The following PID1 variants were observed in gnomAD, a reference collection of about 807,000 sequenced individuals.
The protein encoded by PID1 is PTB-containing, cubilin and LRP1-interacting protein.
Under a neutral mutation model 19.1 loss-of-function variants are expected in PID1, and 10 were observed. That is an observed-to-expected ratio of 0.52 (90% CI 0.32 to 0.89). The LOEUF (loss-of-function observed/expected upper bound fraction) is 0.89, where lower values mean the gene tolerates loss of function less well. PID1 is among the 40% of genes least tolerant of loss of function. The pLI, the probability that PID1 is intolerant of heterozygous loss-of-function variation, is 0.03. For missense variants in PID1, 248 were observed against 285.3 expected (o/e 0.87, Z 0.94); for synonymous variants, 130 against 116.0 (o/e 1.12, Z -0.78).
At chr2:229,183,163 G>T (rs1263069241) in intron 1 of PID1, among the ~76,000 whole-genome samples, 2 of 152,150 alleles carry the variant, frequency 1.3e-5, no homozygotes, top group South Asian at 4.1e-4. Context: ...ACACAGAGAC[G>T]CATGGGAGTA....
chr2:229,079,253 G>A (rs903331465), intron 2 of PID1, among the ~76,000 whole-genome samples: 14 of 151,998 alleles, frequency 9.2e-5, no homozygotes, highest in African/African-American at 3.4e-4. Context: ...AGCCTCTTTG[G>A]GACCTCCTTT....
chr2:229,185,356 C>G (rs1315400377), intron 1 of PID1, among the ~76,000 whole-genome samples: 1 of 152,056 alleles, frequency 6.6e-6, no homozygotes, highest in Admixed American at 6.5e-5. Flanking sequence ...CCAATTGGTC[C>G]ATGTGCACAC....
At chr2:229,213,971 A>G (rs1296606791) in intron 1 of PID1, among the ~76,000 whole-genome samples, 1 of 152,176 alleles carries the variant, frequency 6.6e-6, no homozygotes, top group Non-Finnish European at 1.5e-5. Flanking sequence ...CATGAAGAAG[A>G]CCTTCCCTGT....
intron 2 of PID1, among the ~76,000 whole-genome samples, chr2:229,065,267 G>A (rs1694300001): frequency 6.6e-6 from 1 of 152,088 alleles, no homozygotes; most frequent in Non-Finnish European, 1.5e-5. Context: ...GAGAAATACT[G>A]TTAAGTTCTA....
intron 1 of PID1, among the ~76,000 whole-genome samples, chr2:229,200,936 C>T (rs1307885784): frequency 6.6e-6 from 1 of 151,928 alleles, no homozygotes; most frequent in African/African-American, 2.4e-5. Flanking sequence ...AGAATGGACA[C>T]CAACGCATTA....
chr2:229,248,274 T>C (rs1434838990), intron 1 of PID1, among the ~76,000 whole-genome samples: 1 of 152,160 alleles, frequency 6.6e-6, no homozygotes, highest in African/African-American at 2.4e-5. Flanking sequence ...TTCTCTTTCA[T>C]GGTACTGATA....
chr2:229,134,609 T>C (rs1559248981), intron 2 of PID1, among the ~76,000 whole-genome samples: 1 of 152,036 alleles, frequency 6.6e-6, no homozygotes, highest in African/African-American at 2.4e-5. Flanking sequence ...CTAAAAAAAG[T>C]ACAAAGAAAA....
intron 2 of PID1, among the ~76,000 whole-genome samples, chr2:229,029,346 C>G (rs1273619279): frequency 4.7e-5 from 7 of 147,764 alleles, no homozygotes; most frequent in Non-Finnish European, 1.0e-4. Context: ...TGAAAACATG[C>G]TACCATCCTT....
chr2:229,070,304 T>C (rs1464385969), intron 2 of PID1, among the ~76,000 whole-genome samples: 1 of 152,242 alleles, frequency 6.6e-6, no homozygotes, highest in African/African-American at 2.4e-5. Flanking sequence ...TTATGTGACA[T>C]TAAGACTGCT....
At chr2:229,196,198 TAGTG>T (rs1178480647) in intron 1 of PID1, among the ~76,000 whole-genome samples, 1 of 151,958 alleles carries the variant, frequency 6.6e-6, no homozygotes, top group Non-Finnish European at 1.5e-5. Flanking sequence ...GACTGTAAAA[TAGTG>T]AGGGAGAAGG....
chr2:229,183,826 A>C (rs1690998611), intron 1 of PID1, among the ~76,000 whole-genome samples: 1 of 150,968 alleles, frequency 6.6e-6, no homozygotes, highest in Non-Finnish European at 1.5e-5. Flanking sequence ...CTGCAAAGCC[A>C]ATTCCTTATA....
chr2:229,234,038 C>T (rs1692272498), intron 1 of PID1, among the ~76,000 whole-genome samples: 1 of 152,132 alleles, frequency 6.6e-6, no homozygotes, highest in Admixed American at 6.6e-5. Context: ...TGTTGAACAC[C>T]ATATGCCAAA....
chr2:229,129,021 T>G (rs915871205), intron 2 of PID1, among the ~76,000 whole-genome samples: 1 of 152,112 alleles, frequency 6.6e-6, no homozygotes, highest in African/African-American at 2.4e-5. Flanking sequence ...TACACACCTA[T>G]TATATACCCA....
chr2:229,171,918 T>C (rs1313814860), intron 1 of PID1, among the ~76,000 whole-genome samples: 1 of 152,144 alleles, frequency 6.6e-6, no homozygotes, highest in African/African-American at 2.4e-5. Context: ...GAGTCAAATA[T>C]CCATGCTCTT....
rs145877862 is a variant in PID1, at chr2:229,061,517, T to C, written c.178-35409A>G. Among the ~76,000 whole-genome samples, 4 of 152,216 alleles carry C rather than the reference T, an allele frequency of 2.6e-5. No individual in the cohort carries two copies. In the East Asian group the frequency reaches 5.8e-4, roughly 22 times the overall value. On this transcript the variant is annotated intron_variant, in intron 2 of 2. Coordinates refer to ENST00000392055, the MANE Select transcript of PID1 (RefSeq NM_001100818.2). ...TGTTTTGATTACTACAACTTTGTAATAGATTTTGAAGTCAGATAGTGTGAT... is the reference window on the plus strand; with the variant it reads ...TGTTTTGATTACTACAACTTTGTAACAGATTTTGAAGTCAGATAGTGTGAT...
At chr2:229,134,188 C>T (rs1048848812) in intron 2 of PID1, among the ~76,000 whole-genome samples, 2 of 150,476 alleles carry the variant, frequency 1.3e-5, no homozygotes, top group Non-Finnish European at 2.9e-5. Flanking sequence ...AAAGACTGAA[C>T]TATTCCACTA....
chr2:229,191,656 C>T (rs1386251279), intron 1 of PID1, among the ~76,000 whole-genome samples: 1 of 152,250 alleles, frequency 6.6e-6, no homozygotes, highest in East Asian at 1.9e-4. Context: ...AATACTTCAA[C>T]AAAAATTAAC....
intron 2 of PID1, among the ~76,000 whole-genome samples, chr2:229,055,242 A>G (rs1238028956): frequency 2.0e-5 from 3 of 152,186 alleles, no homozygotes; most frequent in African/African-American, 7.2e-5. Flanking sequence ...CTCCCTCGAC[A>G]TGGCCTCCTT....
intron 2 of PID1, among the ~76,000 whole-genome samples, chr2:229,078,043 T>G (rs1694596056): frequency 6.6e-6 from 1 of 152,226 alleles, no homozygotes; most frequent in South Asian, 2.1e-4. Context: ...GCATGGAATG[T>G]TATTCCATTT....
Sources: allele counts gnomAD v4.1 joint callset (sites outside exome capture counted in the v4.1 genomes callset), GRCh38; gene constraint gnomAD v4.1.1; transcripts MANE v1.5; gene names NCBI Gene and HGNC (gene_info 2026-07-23, HGNC 2026-07-21).